CTNNAL1: variants seen among roughly 807,000 people sequenced by gnomAD.
CTNNAL1 encodes alpha-catulin.
Under a neutral mutation model 93.6 loss-of-function variants are expected in CTNNAL1, and 69 were observed. The observed-to-expected ratio is 0.74, with a 90% CI of 0.61 to 0.90. The LOEUF (loss-of-function observed/expected upper bound fraction) is 0.90. Among genes scored for constraint, CTNNAL1 ranks in the 40% least tolerant of loss-of-function variants. CTNNAL1 has a pLI of 0.00. For missense variants in CTNNAL1, 836 were observed against 862.0 expected (o/e 0.97, Z 0.38); for synonymous variants, 286 against 305.4 (o/e 0.94, Z 0.66).
At chr9:108,972,864 G>GGGGGGGGGGC in intron 8 of CTNNAL1, 31 bp from the exon 9 acceptor site, 1 of 142,580 alleles carries the variant, frequency 7.0e-6, no homozygotes, top group Non-Finnish European at 1.0e-5. Context: ...GGGGGGGTGG[G>GGGGGGGGGGC]AGGGTGGAGA....
At chr9:108,972,905 A>T in intron 8 of CTNNAL1, 72 bp from the exon 9 acceptor site, 2 of 1,449,766 alleles carry the variant, frequency 1.4e-6, no homozygotes, top group Non-Finnish European at 1.8e-6. Context: ...AAGAAAACAA[A>T]CAATAACATT....
intron 14 of CTNNAL1, among the ~76,000 whole-genome samples, chr9:108,951,815 C>T (rs753810142): frequency 6.6e-6 from 1 of 152,278 alleles, no homozygotes; most frequent in Non-Finnish European, 1.5e-5. Context: ...GTCCTCATAG[C>T]TCTATTCTTT....
chr9:108,958,552 C>G (rs372955183), intron 11 of CTNNAL1, among the ~76,000 whole-genome samples: 3 of 152,194 alleles, frequency 2.0e-5, no homozygotes, highest in Admixed American at 6.5e-5. Context: ...ATCATTTTTT[C>G]AGATAGGCCT....
chr9:108,942,854 T>C lies in CTNNAL1; in HGVS notation c.2140-20A>G, dbSNP rs778801103. 2.5e-6 allele frequency: 4 copies of C among 1,613,204 alleles called. No homozygotes were observed. On this transcript the variant is annotated intron_variant, in intron 18 of 18. Transcript: ENST00000325551. Reference sequence around the variant, plus strand: ...CTGAAGCTGGAAAGAGTTAAGACAATTAGTATCTGGTTTCACTCTGAAAAA... The same window carrying C: ...CTGAAGCTGGAAAGAGTTAAGACAACTAGTATCTGGTTTCACTCTGAAAAA...
At chr9:108,990,665 C>T (rs1831763449) in intron 4 of CTNNAL1, 61 bp downstream of exon 4, 4 of 1,546,784 alleles carry the variant, frequency 2.6e-6, no homozygotes, top group African/African-American at 1.4e-5. Flanking sequence ...ACGATCATAC[C>T]TCCATCCAAA....
intron 1 of CTNNAL1, among the ~76,000 whole-genome samples, chr9:109,006,316 T>G (rs1827025548): frequency 6.6e-6 from 1 of 152,242 alleles, no homozygotes; most frequent in Non-Finnish European, 1.5e-5. Flanking sequence ...TATCAATTCT[T>G]TTAATGCTTG....
chr9:108,990,645 A>G, intron 4 of CTNNAL1, 81 bp downstream of exon 4: 1 of 1,492,660 alleles, frequency 6.7e-7, no homozygotes, highest in South Asian at 1.4e-5. Flanking sequence ...AACCAGTCCA[A>G]ACAATCCTAA....
chr9:108,997,133 T>A (rs1278985397), intron 2 of CTNNAL1, among the ~76,000 whole-genome samples: 1 of 152,224 alleles, frequency 6.6e-6, no homozygotes. Flanking sequence ...TATCCCCCCC[T>A]GCTTCCCACA....
chr9:108,970,146 G>A (rs1220667966), intron 10 of CTNNAL1, among the ~76,000 whole-genome samples: 1 of 152,150 alleles, frequency 6.6e-6, no homozygotes, highest in Non-Finnish European at 1.5e-5. Flanking sequence ...CAAGTGCATT[G>A]TAAACAGCTT....
chr9:108,954,812 T>C (rs1430696914), intron 12 of CTNNAL1, among the ~76,000 whole-genome samples: 2 of 150,362 alleles, frequency 1.3e-5, no homozygotes, highest in Non-Finnish European at 3.0e-5. Flanking sequence ...ATTTATCATT[T>C]GTTCTTCCCC....
At chr9:108,950,535 A>T in intron 14 of CTNNAL1, 1 of 1,550,450 alleles carries the variant, frequency 6.4e-7, no homozygotes, top group Non-Finnish European at 8.7e-7. Flanking sequence ...AAGGTAGAAG[A>T]CGTCATCAAG....
intron 2 of CTNNAL1, 32 bp downstream of exon 2, chr9:108,999,035 A>T: frequency 6.4e-7 from 1 of 1,570,838 alleles, no homozygotes. Flanking sequence ...TAAAAGTGGT[A>T]TGAATAGTCT....
chr9:109,008,194 T>A (rs1273278857), intron 1 of CTNNAL1, among the ~76,000 whole-genome samples: 1 of 145,392 alleles, frequency 6.9e-6, no homozygotes, highest in Non-Finnish European at 1.5e-5. Flanking sequence ...AGTCTCACTC[T>A]GTTACCAGGC....
chr9:108,945,133 C>T (rs1026158557), intron 15 of CTNNAL1, among the ~76,000 whole-genome samples: 2 of 152,202 alleles, frequency 1.3e-5, no homozygotes, highest in African/African-American at 4.8e-5. Flanking sequence ...ACTCCCAGGT[C>T]TCTCTCTCCA....
rs575961583 is a variant in CTNNAL1 at position 108,967,855 on chromosome 9, T to C, written c.1441-2327A>G. On this transcript the variant is annotated intron_variant, in intron 10 of 18. Coordinates refer to ENST00000325551, the MANE Select transcript of CTNNAL1 (RefSeq NM_003798.4). ...GATTTTCTTCTGAGTGAGAAAGTCA[T>C]TGGGGAACTTACAGAAGATTAATAT... 4.3e-4 allele frequency among the ~76,000 whole-genome samples: 66 copies of C among 152,316 alleles called. 1 individual carries two copies. In the South Asian group the frequency reaches 0.012, roughly 28 times the overall value.
chr9:108,953,163 G>C (rs540600577), intron 12 of CTNNAL1, among the ~76,000 whole-genome samples: 1 of 152,340 alleles, frequency 6.6e-6, no homozygotes, highest in African/African-American at 2.4e-5. Flanking sequence ...AACTCAGAGT[G>C]TATTTTCCCT....
chr9:108,996,061 CA>C (rs1421662340), intron 2 of CTNNAL1, among the ~76,000 whole-genome samples: 4 of 151,770 alleles, frequency 2.6e-5, no homozygotes, highest in African/African-American at 4.8e-5. Flanking sequence ...TCCTTGGGCT[CA>C]AAAAATCCTC....
At chr9:109,007,519 A>G (rs753161788) in intron 1 of CTNNAL1, among the ~76,000 whole-genome samples, 1 of 152,198 alleles carries the variant, frequency 6.6e-6, no homozygotes, top group Non-Finnish European at 1.5e-5. Flanking sequence ...TGTGGCAGAT[A>G]TCCTTCTTCC....
intron 2 of CTNNAL1, among the ~76,000 whole-genome samples, chr9:108,996,177 G>C (rs1349676207): frequency 6.6e-6 from 1 of 151,996 alleles, no homozygotes; most frequent in Non-Finnish European, 1.5e-5. Context: ...ATGTTGCCCA[G>C]GTTGGTCTCA....
Sources: allele counts gnomAD v4.1 joint callset (sites outside exome capture counted in the v4.1 genomes callset), GRCh38; gene constraint gnomAD v4.1.1; transcripts MANE v1.5; gene names NCBI Gene and HGNC (gene_info 2026-07-23, HGNC 2026-07-21).